Variants in KLHL15 observed in about 807,000 individuals in gnomAD.
KLHL15 encodes the protein kelch-like protein 15.
In KLHL15, 1 loss-of-function variant was observed where a neutral mutation model predicts 29.3. The observed-to-expected ratio is 0.03, with a 90% CI of 0.01 to 0.16. The LOEUF (loss-of-function observed/expected upper bound fraction) is 0.16. Ranked by LOEUF, KLHL15 falls within the 10% of genes least tolerant of loss-of-function variation. The pLI is 1.00. For missense variants in KLHL15, 215 were observed against 478.5 expected (o/e 0.45, Z 5.14); for synonymous variants, 212 against 184.5 (o/e 1.15, Z -1.21).
chrX:23,994,975 C>A (rs1288778868), intron 3 of KLHL15, among the ~76,000 whole-genome samples: 1 of 111,266 alleles, frequency 9.0e-6, no homozygotes, highest in Non-Finnish European at 1.9e-5. Flanking sequence ...CCTTGCCCAG[C>A]CTGAAAATGT....
intron 3 of KLHL15, among the ~76,000 whole-genome samples, chrX:24,003,389 A>T (rs1190649249): frequency 9.2e-6 from 1 of 108,315 alleles, no homozygotes. Context: ...ACTAAAAAAA[A>T]AAAATGCAAA....
rs752935513 is a variant in KLHL15, at chrX:23,987,755, C to T, written c.*166G>A. ...TTAACTTATTGCATGAGTTTGAGGC[C>T]ACTGAAAAGAAAAAAAGGATGCTAG... On this transcript the variant is annotated 3_prime_UTR_variant, in exon 4 of 4. Coordinates refer to ENST00000328046, the MANE Select transcript of KLHL15 (RefSeq NM_030624.3). The T allele has an allele frequency of 4.6e-6, 2 of 435,405 alleles. No individual in the cohort carries two copies. The highest frequency in any genetic ancestry group is 8.1e-5 in the East Asian group (2 of 24,814). 35.9% of individuals were successfully genotyped at this position (435,405 alleles called of 1,213,427 possible). A position where few individuals can be genotyped will look rare whatever the true frequency, so the allele number is the denominator to read the frequency against.
intron 2 of KLHL15, among the ~76,000 whole-genome samples, chrX:24,020,071 T>C (rs1454500689): frequency 8.9e-6 from 1 of 112,472 alleles, no homozygotes; most frequent in East Asian, 2.8e-4. Context: ...GATTTCATAC[T>C]ATCTTCATCC....
chrX:23,996,859 G>A (rs1929200790), intron 3 of KLHL15, among the ~76,000 whole-genome samples: 1 of 111,932 alleles, frequency 8.9e-6, no homozygotes, highest in Non-Finnish European at 1.9e-5. Context: ...CACAAAAAAA[G>A]CTAGGTGCAA....
At chrX:24,003,562 CA>C (rs57011870) in intron 3 of KLHL15, among the ~76,000 whole-genome samples, 14,270 of 63,963 alleles carry the variant, frequency 0.22, 1,057 homozygotes, top group South Asian at 0.54. Context: ...CAAAAAAAAC[CA>C]AAAAAAAAAA....
chrX:24,006,705 A>G lies in KLHL15; in HGVS notation c.-7-5T>C, dbSNP rs778312251. 8.8e-6 allele frequency: 10 copies of G among 1,130,853 alleles called. No homozygotes were observed. The highest frequency in any genetic ancestry group is 1.2e-5 in the Non-Finnish European group (10 of 838,906). The allele number at this position is 1,130,853 out of a possible 1,213,427, so 93.2% of individuals were successfully genotyped here. A position where few individuals can be genotyped will look rare whatever the true frequency, so the allele number is the denominator to read the frequency against. On this transcript the variant is annotated splice_polypyrimidine_tract_variant and splice_region_variant and intron_variant, in intron 2 of 3. Transcript: ENST00000328046. ...ACGTCCCCTGCCATGAATCACCTGG[A>G]AAAAAATCAAAGACAACAATGTTAA...
chrX:24,025,876 C>T (rs2147114532), intron 1 of KLHL15, among the ~76,000 whole-genome samples: 1 of 110,860 alleles, frequency 9.0e-6, no homozygotes, highest in Non-Finnish European at 1.9e-5. Flanking sequence ...GCGGCGCCGC[C>T]GTCGGGGCTG....
intron 2 of KLHL15, among the ~76,000 whole-genome samples, chrX:24,017,034 A>G (rs775817062): frequency 1.2e-3 from 129 of 110,098 alleles, no homozygotes; most frequent in Non-Finnish European, 1.8e-3. Flanking sequence ...TAGCCTGCGC[A>G]ACATATCAAA....
intron 2 of KLHL15, among the ~76,000 whole-genome samples, chrX:24,022,351 A>C (rs1929825854): frequency 1.0e-5 from 1 of 98,153 alleles, no homozygotes; most frequent in Non-Finnish European, 2.0e-5. Flanking sequence ...TAAAAAAAAA[A>C]AAAAAAAAAG....
At chrX:23,993,510 A>G (rs1445778152) in intron 3 of KLHL15, among the ~76,000 whole-genome samples, 1 of 111,448 alleles carries the variant, frequency 9.0e-6, no homozygotes, top group Non-Finnish European at 1.9e-5. Flanking sequence ...AGGTCTAATC[A>G]TAAAGAAAAG....
At chrX:24,004,496 AAG>A (rs1929403656) in intron 3 of KLHL15, among the ~76,000 whole-genome samples, 1 of 112,380 alleles carries the variant, frequency 8.9e-6, no homozygotes, top group Non-Finnish European at 1.9e-5. Context: ...CAAAAAATAA[AAG>A]AAATACATTA....
intron 3 of KLHL15, among the ~76,000 whole-genome samples, chrX:24,003,251 C>A (rs1288171351): frequency 9.0e-6 from 1 of 110,996 alleles, no homozygotes; most frequent in Non-Finnish European, 1.9e-5. Context: ...ATGGGGATAA[C>A]ATGTAGATGC....
chrX:24,024,741 G>A (rs1929885137), intron 2 of KLHL15, 116 bp downstream of exon 2: 1 of 295,944 alleles, frequency 3.4e-6, no homozygotes, highest in Admixed American at 6.1e-5. Flanking sequence ...AGGTCCCGGC[G>A]TCTACCAAAT....
chrX:23,990,768 TC>T (rs922091271), intron 3 of KLHL15, among the ~76,000 whole-genome samples: 46 of 109,098 alleles, frequency 4.2e-4, no homozygotes, highest in Admixed American at 1.1e-3. Flanking sequence ...ATGAGCTTCC[TC>T]CCCCCCCTTC....
chrX:23,989,233 C>G (rs1339876031), intron 3 of KLHL15, among the ~76,000 whole-genome samples: 1 of 108,764 alleles, frequency 9.2e-6, no homozygotes, highest in African/African-American at 3.4e-5. Context: ...CTCTGTTGCC[C>G]AGGCTGGAGT....
intron 2 of KLHL15, among the ~76,000 whole-genome samples, chrX:24,008,879 A>AC (rs1331399060): frequency 4.1e-4 from 35 of 86,110 alleles, no homozygotes; most frequent in African/African-American, 1.3e-3. Context: ...TAGAAAAAAA[A>AC]AAAACAAAAC....
intron 3 of KLHL15, among the ~76,000 whole-genome samples, chrX:24,005,008 T>C (rs923188931): frequency 6.3e-5 from 7 of 111,489 alleles, no homozygotes; most frequent in South Asian, 3.7e-4. Context: ...TTGCAGATAC[T>C]GTATTTTTAT....
intron 2 of KLHL15, among the ~76,000 whole-genome samples, chrX:24,009,805 C>T (rs1336648644): frequency 1.9e-5 from 2 of 107,392 alleles, no homozygotes; most frequent in Non-Finnish European, 3.8e-5. Context: ...GCCTGGCCAA[C>T]ATGGAGAAAC....
intron 2 of KLHL15, among the ~76,000 whole-genome samples, chrX:24,021,316 C>T (rs1929799211): frequency 9.0e-6 from 1 of 111,292 alleles, no homozygotes; most frequent in Admixed American, 9.7e-5. Context: ...GCCTGGATCA[C>T]ACTATCCCCA....
Sources: allele counts gnomAD v4.1 joint callset (sites outside exome capture counted in the v4.1 genomes callset), GRCh38; gene constraint gnomAD v4.1.1; transcripts MANE v1.5; gene names NCBI Gene and HGNC (gene_info 2026-07-23, HGNC 2026-07-21).